KHDRBS2: variants seen among roughly 807,000 people sequenced by gnomAD.
KHDRBS2 encodes KH domain-containing, RNA-binding, signal transduction-associated protein 2.
In KHDRBS2, 26 loss-of-function variants were observed where a neutral mutation model predicts 44.3. The ratio of observed to expected loss-of-function variants is 0.59; its 90% CI spans 0.43 to 0.81. The LOEUF is 0.81. Ranked by LOEUF, KHDRBS2 falls within the 40% of genes least tolerant of loss-of-function variation. The probability of loss-of-function intolerance (pLI) is 0.00; values close to 1 mark genes in which losing one functional copy is unlikely to be tolerated. For missense variants in KHDRBS2, 476 were observed against 433.1 expected, an observed-to-expected ratio of 1.10 and a Z score of -0.88; for synonymous variants, 194 against 151.1, an observed-to-expected ratio of 1.28 and a Z score of -2.08.
chr6:61,606,546 G>C, the KHDRBS2 span, among the ~76,000 whole-genome samples: 1 of 152,096 alleles, frequency 6.6e-6, no homozygotes, highest in African/African-American at 2.4e-5. Flanking sequence ...TCCAAGAAAC[G>C]GCCAGATAAT....
At chr6:61,954,684 T>G (rs373663098) in intron 4 of KHDRBS2, among the ~76,000 whole-genome samples, 48 of 95,536 alleles carry the variant, frequency 5.0e-4, no homozygotes, top group South Asian at 9.4e-4. Context: ...ACATACATAC[T>G]TATGTATACA....
intron 4 of KHDRBS2, among the ~76,000 whole-genome samples, chr6:61,954,697 C>T (rs201008415): frequency 0.025 from 935 of 36,718 alleles, 42 homozygotes; most frequent in South Asian, 0.037. Context: ...TGTATACATA[C>T]ATATGTGTAT....
At chr6:61,788,160 G>C (rs548758579) in intron 6 of KHDRBS2, among the ~76,000 whole-genome samples, 1 of 151,478 alleles carries the variant, frequency 6.6e-6, no homozygotes, top group African/African-American at 2.4e-5. Context: ...ATAAAATATT[G>C]CATTAGATAT....
intron 6 of KHDRBS2, among the ~76,000 whole-genome samples, chr6:61,752,011 G>T (rs1189158727): frequency 2.0e-5 from 3 of 152,060 alleles, no homozygotes; most frequent in Non-Finnish European, 4.4e-5. Flanking sequence ...TTAGGGTCCT[G>T]CCTAATGACC....
intron 2 of KHDRBS2, among the ~76,000 whole-genome samples, chr6:62,079,978 C>G (rs1182546068): frequency 6.6e-6 from 1 of 151,580 alleles, no homozygotes; most frequent in African/African-American, 2.4e-5. Flanking sequence ...GTGGCCAAAA[C>G]AAAATAAAAG....
At chr6:62,131,697 G>A (rs1810363402) in intron 2 of KHDRBS2, among the ~76,000 whole-genome samples, 1 of 152,170 alleles carries the variant, frequency 6.6e-6, no homozygotes, top group South Asian at 2.1e-4. Flanking sequence ...GAACCCAACA[G>A]TAGGCCAGAG....
intron 6 of KHDRBS2, among the ~76,000 whole-genome samples, chr6:61,837,789 A>G (rs1335447566): frequency 3.3e-5 from 5 of 152,048 alleles, no homozygotes; most frequent in African/African-American, 1.2e-4. Context: ...TTAACAACTC[A>G]GGAGACCTAT....
At chr6:61,909,370 C>T (rs1431605730) in intron 4 of KHDRBS2, among the ~76,000 whole-genome samples, 2 of 152,010 alleles carry the variant, frequency 1.3e-5, no homozygotes, top group East Asian at 3.9e-4. Flanking sequence ...TGCCTGGCCT[C>T]ATAGATATTT....
At chr6:61,939,872 A>G (rs1811803559) in intron 4 of KHDRBS2, among the ~76,000 whole-genome samples, 9 of 152,194 alleles carry the variant, frequency 5.9e-5, no homozygotes, top group Admixed American at 5.9e-4. Context: ...ATTCAGAAGT[A>G]TTCTAATACT....
At chr6:61,635,007 A>G in the KHDRBS2 span, among the ~76,000 whole-genome samples, 2 of 151,978 alleles carry the variant, frequency 1.3e-5, no homozygotes, top group African/African-American at 4.8e-5. Context: ...TGCTTATGAA[A>G]CTAGTTTTCT....
chr6:61,831,847 T>C (rs1194927286), intron 6 of KHDRBS2, among the ~76,000 whole-genome samples: 2 of 152,168 alleles, frequency 1.3e-5, no homozygotes, highest in African/African-American at 4.8e-5. Context: ...CACAAAAATG[T>C]CCAAAGGCAA....
intron 1 of KHDRBS2, among the ~76,000 whole-genome samples, chr6:62,228,037 G>C (rs1193080600): frequency 3.3e-5 from 5 of 152,104 alleles, no homozygotes; most frequent in Admixed American, 3.3e-4. Context: ...CTGGCCTCAT[G>C]AAATGAATCA....
the KHDRBS2 span, among the ~76,000 whole-genome samples, chr6:61,608,433 CT>C: frequency 6.6e-6 from 1 of 151,216 alleles, no homozygotes. Flanking sequence ...AATTTTTTTT[CT>C]TTTTTTCTTT....
chr6:61,895,084 T>G (rs1179857274), intron 5 of KHDRBS2, among the ~76,000 whole-genome samples: 1 of 151,520 alleles, frequency 6.6e-6, no homozygotes, highest in African/African-American at 2.4e-5. Flanking sequence ...GTAAAATACT[T>G]TGTTATTGTC....
In KHDRBS2 at chr6:61,690,196, T is replaced by G. The variant is rs546707035; in HGVS notation, c.952+6999A>C. Among the ~76,000 whole-genome samples the G allele has an allele frequency of 2.6e-5, 4 of 152,012 alleles. No homozygotes were observed. In the South Asian group the frequency reaches 8.3e-4, roughly 32 times the overall value. On this transcript the variant is annotated intron_variant, in intron 8 of 8. Transcript: ENST00000281156. ...CTAAGGTGGCATATCCCTGGATATA[T>G]TTTTTTTCTTAGCTGGCATACTTCC...
At chr6:62,173,863 C>T (rs1291134828) in intron 2 of KHDRBS2, among the ~76,000 whole-genome samples, 1 of 151,870 alleles carries the variant, frequency 6.6e-6, no homozygotes, top group Non-Finnish European at 1.5e-5. Flanking sequence ...AATTCAACAT[C>T]CCTTCATGTT....
At chr6:61,720,366 A>G (rs1317185964) in intron 7 of KHDRBS2, among the ~76,000 whole-genome samples, 1 of 152,100 alleles carries the variant, frequency 6.6e-6, no homozygotes, top group Non-Finnish European at 1.5e-5. Context: ...GACTTCCACA[A>G]TGGTTGAACT....
intron 4 of KHDRBS2, among the ~76,000 whole-genome samples, chr6:61,949,211 C>A (rs1223931576): frequency 6.6e-6 from 1 of 152,082 alleles, no homozygotes; most frequent in Non-Finnish European, 1.5e-5. Flanking sequence ...ATATTTAAAG[C>A]TACTCAATTT....
chr6:61,606,468 G>C, the KHDRBS2 span, among the ~76,000 whole-genome samples: 1 of 152,126 alleles, frequency 6.6e-6, no homozygotes, highest in Non-Finnish European at 1.5e-5. Context: ...AGGAGAAACA[G>C]GAGAAAAGGC....
Sources: allele counts gnomAD v4.1 joint callset (sites outside exome capture counted in the v4.1 genomes callset), GRCh38; gene constraint gnomAD v4.1.1; transcripts MANE v1.5; gene names NCBI Gene and HGNC (gene_info 2026-07-23, HGNC 2026-07-21).